MFSD6: variants seen among roughly 807,000 people sequenced by gnomAD.
The protein encoded by MFSD6 is major facilitator superfamily domain containing 6, also known as major facilitator superfamily domain-containing protein 6.
A neutral mutation model predicts 56.3 loss-of-function variants in MFSD6; 26 were observed. The ratio of observed to expected loss-of-function variants is 0.46; its 90% CI spans 0.34 to 0.64. The LOEUF is 0.64. Among genes scored for constraint, MFSD6 ranks in the 30% least tolerant of loss-of-function variants. The pLI is 0.01. For missense variants in MFSD6, 750 were observed against 986.2 expected, an observed-to-expected ratio of 0.76 and a Z score of 3.21; for synonymous variants, 331 against 366.9, an observed-to-expected ratio of 0.90 and a Z score of 1.12.
rs1278369093 is a variant in MFSD6 at position 190,501,019 on chromosome 2, TA to T, written c.*804del. ...TGTGTTTTGATAGACAAGAGTTTAC[TA>T]AATATATTGATACTGTAAATAGCCT... On this transcript the variant is annotated 3_prime_UTR_variant, in exon 8 of 8. Coordinates refer to ENST00000392328, the MANE Select transcript of MFSD6 (RefSeq NM_017694.4). 6.6e-6 allele frequency: 1 copy of T among 152,228 alleles called. No individual in the cohort carries two copies. The highest frequency in any genetic ancestry group is 1.9e-4 in the East Asian group (1 of 5,194). 9.4% of individuals were successfully genotyped at this position (152,228 alleles called of 1,614,324 possible). A position where few individuals can be genotyped will look rare whatever the true frequency, so the allele number is the denominator to read the frequency against.
chr2:190,419,243 G>C (rs935438297), intron 2 of MFSD6, among the ~76,000 whole-genome samples: 1 of 152,018 alleles, frequency 6.6e-6, no homozygotes, highest in Non-Finnish European at 1.5e-5. Flanking sequence ...GTTTGAGTGC[G>C]GTGTGTGAAT....
At position 190,494,931 on chromosome 2, in the gene MFSD6, A is replaced by T. The variant is rs1295520645; in HGVS notation, c.1892-2508A>T. Among the ~76,000 whole-genome samples the T allele has an allele frequency of 6.6e-6, 1 of 152,218 alleles. No individual in the cohort carries two copies. The highest frequency in any genetic ancestry group is 1.5e-5 in the Non-Finnish European group (1 of 68,038). ...AGAAGTTGGAAGCATTCCCTCTGAA[A>T]ATTGGAACAAGACAAGGATGCCCAC... On this transcript the variant is annotated intron_variant, in intron 6 of 7. Coordinates refer to ENST00000392328, the MANE Select transcript of MFSD6 (RefSeq NM_017694.4). This position sits in a 1 kb window ranked among gnomAD's most constrained non-coding sequence, Gnocchi z 5.7.
In MFSD6 at chr2:190,487,503, G is replaced by C. The variant is rs1326833045; in HGVS notation, c.1631-1154G>C. Among the ~76,000 whole-genome samples the C allele has an allele frequency of 6.6e-6, 1 of 152,126 alleles. No individual in the cohort carries two copies. Among genetic ancestry groups the C allele is most frequent in the Non-Finnish European group, 1.5e-5 (1 of 68,016 alleles). On this transcript the variant is annotated intron_variant, in intron 4 of 7. Transcript: ENST00000392328. The surrounding 1 kb of genome is among the most constrained non-coding windows in gnomAD (Gnocchi z 5.5). ...TAGAAATAATCTTAATGTCAAAGTA[G>C]GTGCCCTAGAATGGATGAATGTCCA...
At position 190,462,937 on chromosome 2, in the gene MFSD6, T is replaced by A. The variant is rs980140163; in HGVS notation, c.1533-6821T>A. ...ATTCTAGCACTAGAGGAGGGTACCA[T>A]GATGTAACTCAGGCCACCTTCTTGG... On this transcript the variant is annotated intron_variant, in intron 3 of 7. Transcript: ENST00000392328. The surrounding 1 kb of genome is among the most constrained non-coding windows in gnomAD (Gnocchi z 5.7). Among the ~76,000 whole-genome samples the A allele has an allele frequency of 7.9e-5, 12 of 152,160 alleles. No homozygotes were observed. The highest frequency in any genetic ancestry group is 1.5e-4 in the Non-Finnish European group (10 of 68,030).
intron 4 of MFSD6, among the ~76,000 whole-genome samples, chr2:190,483,554 G>A (rs901182920): frequency 1.3e-5 from 2 of 152,054 alleles, no homozygotes; most frequent in Admixed American, 1.3e-4. Flanking sequence ...AATGAAAACA[G>A]GGTTGGGCGC....
chr2:190,439,374 A>AT lies in MFSD6; in HGVS notation c.1532+1820dup, dbSNP rs1686292194. Among the ~76,000 whole-genome samples the AT allele has an allele frequency of 6.6e-6, 1 of 151,570 alleles. No homozygotes were observed. Among genetic ancestry groups the AT allele is most frequent in the African/African-American group, 2.4e-5 (1 of 41,232 alleles). Reference sequence around the variant, plus strand: ...CTTTTTTTTCACGTTTTATTTGTTTATTTTTTTATTATACTTTAAGTTTTA... The same window carrying AT: ...CTTTTTTTTCACGTTTTATTTGTTTATTTTTTTTATTATACTTTAAGTTTTA... On this transcript the variant is annotated intron_variant, in intron 3 of 7. Coordinates refer to ENST00000392328, the MANE Select transcript of MFSD6 (RefSeq NM_017694.4). This position sits in a 1 kb window ranked among gnomAD's most constrained non-coding sequence, Gnocchi z 5.8.
At chr2:190,414,846 T>TA (rs1690708830) in intron 1 of MFSD6, among the ~76,000 whole-genome samples, 1 of 152,206 alleles carries the variant, frequency 6.6e-6, no homozygotes, top group African/African-American at 2.4e-5. Flanking sequence ...TTGGTGTCAT[T>TA]TTTATCGAGT....
In MFSD6 at chr2:190,458,783, G is replaced by T. The variant is rs545977253; in HGVS notation, c.1533-10975G>T. 6.6e-5 allele frequency among the ~76,000 whole-genome samples: 10 copies of T among 152,320 alleles called. No individual in the cohort carries two copies. In the South Asian group the frequency reaches 2.1e-3, roughly 32 times the overall value. On this transcript the variant is annotated intron_variant, in intron 3 of 7. Coordinates refer to ENST00000392328, the MANE Select transcript of MFSD6 (RefSeq NM_017694.4). The surrounding 1 kb of genome is among the most constrained non-coding windows in gnomAD (Gnocchi z 5.3). ...TGTCCAATTGAGAAGTCCAGCAAAT[G>T]ACCAGAGGTGTAGCTTTAACCAGGT...
At position 190,469,907 on chromosome 2, in the gene MFSD6, G is replaced by T; in HGVS notation, c.1630+52G>T. 7.4e-7 allele frequency: 1 copy of T among 1,356,126 alleles called. No homozygotes were observed. The highest frequency in any genetic ancestry group is 1.0e-6 in the Non-Finnish European group (1 of 957,440). The allele number at this position is 1,356,126 out of a possible 1,614,324, so 84.0% of individuals were successfully genotyped here. Reference sequence around the variant, plus strand: ...ATTTCTCTGCCTTCCCTGAGCTGTGGCTAAAAGCCCAGTGGCCTTCAGCAT... The same window carrying T: ...ATTTCTCTGCCTTCCCTGAGCTGTGTCTAAAAGCCCAGTGGCCTTCAGCAT... On this transcript the variant is annotated intron_variant, in intron 4 of 7. Transcript: ENST00000392328. This position sits in a 1 kb window ranked among gnomAD's most constrained non-coding sequence, Gnocchi z 5.3.
chr2:190,480,357 T>G (rs948860728), intron 4 of MFSD6, among the ~76,000 whole-genome samples: 2 of 151,128 alleles, frequency 1.3e-5, no homozygotes, highest in African/African-American at 4.9e-5. Flanking sequence ...TAATTCATTT[T>G]TCAGCCCCCT....
intron 3 of MFSD6, among the ~76,000 whole-genome samples, chr2:190,446,263 G>T (rs899483069): frequency 6.6e-6 from 1 of 152,178 alleles, no homozygotes; most frequent in Non-Finnish European, 1.5e-5. Flanking sequence ...AAGAGTTTGA[G>T]ATTATAAGAG....
At chr2:190,441,453 A>G (rs1686373354) in intron 3 of MFSD6, among the ~76,000 whole-genome samples, 1 of 151,476 alleles carries the variant, frequency 6.6e-6, no homozygotes, top group Admixed American at 6.6e-5. Context: ...AGGCATAGGT[A>G]AGGGGAGGAT....
In MFSD6 at chr2:190,439,051, A is replaced by T. The variant is rs1686278036; in HGVS notation, c.1532+1490A>T. Among the ~76,000 whole-genome samples the T allele has an allele frequency of 6.6e-6, 1 of 152,074 alleles. No homozygotes were observed. Among genetic ancestry groups the T allele is most frequent in the African/African-American group, 2.4e-5 (1 of 41,400 alleles). On this transcript the variant is annotated intron_variant, in intron 3 of 7. Coordinates refer to ENST00000392328, the MANE Select transcript of MFSD6 (RefSeq NM_017694.4). The surrounding 1 kb of genome is among the most constrained non-coding windows in gnomAD (Gnocchi z 5.8). The stretch of plus-strand genomic sequence containing the variant: ...GGCACATTTTGTAAGACCATTCTGA[A>T]AGAGAGCCCACATAATATTAAGGAC...
In MFSD6 at chr2:190,489,835, C is replaced by G. The variant is rs1290180191; in HGVS notation, c.1860C>G (p.Ile620Met). 2 of 1,614,148 alleles carry G rather than the reference C, an allele frequency of 1.2e-6. No homozygotes were observed. Among genetic ancestry groups the G allele is most frequent in the Non-Finnish European group, 1.7e-6 (2 of 1,180,002 alleles). Residue 620 changes from isoleucine to methionine, a missense_variant, in exon 6 of 8, where the codon ATC (isoleucine) becomes ATG (methionine). By Grantham distance (10) the Ile-to-Met change is conservative. Around this residue, in one of 5 missense-constraint regions of MFSD6, gnomAD observed 125 missense variants for 223.1 expected, o/e 0.56. Transcript: ENST00000392328. The surrounding 1 kb of genome is among the most constrained non-coding windows in gnomAD (Gnocchi z 6.6). ...CLVILLLFALIQWLAVPDEEE... is the reference protein window; with the variant it reads ...CLVILLLFALMQWLAVPDEEE... ...TGATCCTACTGCTCTTTGCCCTGAT[C>G]CAGTGGCTGGCAGTGCCAGATGAGG...
chr2:190,468,659 A>G (rs1355769492), intron 3 of MFSD6, among the ~76,000 whole-genome samples: 1 of 142,114 alleles, frequency 7.0e-6, no homozygotes, highest in Non-Finnish European at 1.5e-5. Flanking sequence ...GGTTCTCACT[A>G]TGTTGCCCAG....
chr2:190,477,254 A>G (rs1199693750), intron 4 of MFSD6: 4 of 983,618 alleles, frequency 4.1e-6, no homozygotes, highest in Non-Finnish European at 4.8e-6. Flanking sequence ...GAATGATTCA[A>G]TAACAAGGTA....
intron 2 of MFSD6, among the ~76,000 whole-genome samples, chr2:190,435,707 G>A (rs928670155): frequency 6.6e-6 from 1 of 152,122 alleles, no homozygotes; most frequent in African/African-American, 2.4e-5. Context: ...TTTTCCCTGG[G>A]AATCAATGAA....
intron 4 of MFSD6, among the ~76,000 whole-genome samples, chr2:190,478,463 T>A (rs1688469929): frequency 6.6e-6 from 1 of 152,224 alleles, no homozygotes; most frequent in Non-Finnish European, 1.5e-5. Context: ...AATAAAATCC[T>A]GCATCACAGA....
Position 190,413,172 on chromosome 2 carries a change from T to C in MFSD6, c.-175-2120T>C, listed in dbSNP as rs1690628032. Among the ~76,000 whole-genome samples, 1 of 152,114 alleles carries C rather than the reference T, an allele frequency of 6.6e-6. No individual in the cohort carries two copies. Among genetic ancestry groups the C allele is most frequent in the Non-Finnish European group, 1.5e-5 (1 of 68,024 alleles). On this transcript the variant is annotated intron_variant, in intron 1 of 7. Coordinates refer to ENST00000392328, the MANE Select transcript of MFSD6 (RefSeq NM_017694.4). The surrounding 1 kb of genome is among the most constrained non-coding windows in gnomAD (Gnocchi z 4.1). Reference sequence around the variant, plus strand: ...GTAGCCTCTCCCTGCCTTGATCCATTATGATGTAAATCTAGCTGAGCCACG... The same window carrying C: ...GTAGCCTCTCCCTGCCTTGATCCATCATGATGTAAATCTAGCTGAGCCACG...
Sources: allele counts gnomAD v4.1 joint callset (sites outside exome capture counted in the v4.1 genomes callset), GRCh38; gene constraint gnomAD v4.1.1; regional missense constraint gnomAD v4.1.1; non-coding constraint Gnocchi (gnomAD v3.1); transcripts MANE v1.5; gene names NCBI Gene and HGNC (gene_info 2026-07-23, HGNC 2026-07-21).